LRRTM4: variants seen among roughly 807,000 people sequenced by gnomAD.
LRRTM4 encodes leucine-rich repeat transmembrane neuronal protein 4.
A neutral mutation model predicts 47.6 loss-of-function variants in LRRTM4; 25 were observed. The observed-to-expected ratio is 0.53, with a 90% CI of 0.38 to 0.73. LRRTM4 has a LOEUF of 0.73. LRRTM4 is among the 30% of genes least tolerant of loss of function. LRRTM4 has a pLI of 0.00. For missense variants in LRRTM4, 638 were observed against 713.4 expected (o/e 0.89, Z 1.20); for synonymous variants, 311 against 269.5 (o/e 1.15, Z -1.51).
intron 3 of LRRTM4, among the ~76,000 whole-genome samples, chr2:77,158,272 AT>A (rs1356881379): frequency 6.6e-6 from 1 of 152,202 alleles, no homozygotes; most frequent in Non-Finnish European, 1.5e-5. Flanking sequence ...ATGTCAAAAA[AT>A]ATAGAGATTT....
At position 77,078,867 on chromosome 2, in the gene LRRTM4, T is replaced by C. The variant is rs1680435752; in HGVS notation, c.1552-329951A>G. On this transcript the variant is annotated intron_variant, in intron 3 of 3. Coordinates refer to ENST00000409884, the MANE Select transcript of LRRTM4 (RefSeq NM_001134745.3). The stretch of plus-strand genomic sequence containing the variant: ...ATAAATGTATTCCTCACAGTTCTGG[T>C]AGCTGGGAAGTCCAAGATCCAGACA... 5.9e-5 allele frequency among the ~76,000 whole-genome samples: 9 copies of C among 152,304 alleles called. No homozygotes were observed. The South Asian group carries it at 1.7e-3, about 28-fold the overall frequency.
intron 3 of LRRTM4, among the ~76,000 whole-genome samples, chr2:77,472,086 C>T (rs188909516): frequency 3.3e-5 from 5 of 152,184 alleles, no homozygotes. Context: ...AAACCAGTGT[C>T]CTCTTTGCAG....
At chr2:76,862,075 T>C (rs1350839178) in intron 3 of LRRTM4, among the ~76,000 whole-genome samples, 1 of 150,806 alleles carries the variant, frequency 6.6e-6, no homozygotes, top group East Asian at 1.9e-4. Flanking sequence ...ATTTAGGCTT[T>C]TTTTTTTTAA....
rs1022426321 is a variant in LRRTM4, at chr2:76,781,575, C to G, written c.1552-32659G>C. 3.3e-5 allele frequency among the ~76,000 whole-genome samples: 5 copies of G among 152,222 alleles called. No homozygotes were observed. The South Asian group carries it at 6.2e-4, about 19-fold the overall frequency. ...AGAAAGGGAACTCCGTGACCCCTTG[C>G]GCTTCCCAAGTGAGGCAATGCCTCG... On this transcript the variant is annotated intron_variant, in intron 3 of 3. Coordinates refer to ENST00000409884, the MANE Select transcript of LRRTM4 (RefSeq NM_001134745.3).
intron 3 of LRRTM4, among the ~76,000 whole-genome samples, chr2:77,134,590 A>G (rs1029135383): frequency 1.3e-5 from 2 of 152,206 alleles, no homozygotes; most frequent in Non-Finnish European, 2.9e-5. Flanking sequence ...CTGATTTCTT[A>G]TAACTAAAAA....
chr2:77,426,852 G>A lies in LRRTM4; in HGVS notation c.1551+91466C>T, dbSNP rs568105486. On this transcript the variant is annotated intron_variant, in intron 3 of 3. Coordinates refer to ENST00000409884, the MANE Select transcript of LRRTM4 (RefSeq NM_001134745.3). ...ACATGCACACACACACACACAGAGA[G>A]AGAGAGAGGGAGAGAAAGAGAGATA... Among the ~76,000 whole-genome samples, 51 of 152,024 alleles carry A rather than the reference G, an allele frequency of 3.4e-4. No individual in the cohort carries two copies. In the East Asian group the frequency reaches 7.5e-3, roughly 22 times the overall value.
At chr2:76,864,385 T>G (rs1672404573) in intron 3 of LRRTM4, among the ~76,000 whole-genome samples, 1 of 152,084 alleles carries the variant, frequency 6.6e-6, no homozygotes, top group African/African-American at 2.4e-5. Context: ...GGGCTGGGCG[T>G]GGTGGCTCAT....
intron 3 of LRRTM4, among the ~76,000 whole-genome samples, chr2:77,299,229 A>ATC (rs771724277): frequency 2.1e-5 from 3 of 143,020 alleles, no homozygotes; most frequent in South Asian, 2.2e-4. Flanking sequence ...TCTTCCTACA[A>ATC]TCTCTCTCTC....
At chr2:76,876,182 A>G (rs1304928444) in intron 3 of LRRTM4, among the ~76,000 whole-genome samples, 1 of 152,140 alleles carries the variant, frequency 6.6e-6, no homozygotes, top group East Asian at 1.9e-4. Context: ...AAGAGCAACA[A>G]ATAAGATTTG....
intron 3 of LRRTM4, among the ~76,000 whole-genome samples, chr2:77,093,429 T>G (rs890119028): frequency 6.6e-6 from 1 of 151,354 alleles, no homozygotes; most frequent in Non-Finnish European, 1.5e-5. Flanking sequence ...CCATGACCAA[T>G]CATTCTATAC....
At chr2:77,024,873 G>C (rs1542186) in intron 3 of LRRTM4, among the ~76,000 whole-genome samples, 81,723 of 151,956 alleles carry the variant, frequency 0.54, 23,465 homozygotes, top group African/African-American at 0.74. Context: ...ATATCTTGTT[G>C]GAAATGTAGG....
chr2:77,408,216 G>A (rs892654482), intron 3 of LRRTM4, among the ~76,000 whole-genome samples: 1 of 152,076 alleles, frequency 6.6e-6, no homozygotes, highest in Non-Finnish European at 1.5e-5. Context: ...GTTTACGTTT[G>A]TTTTTTAAGT....
chr2:77,216,929 C>T (rs575125672), intron 3 of LRRTM4, among the ~76,000 whole-genome samples: 34 of 151,968 alleles, frequency 2.2e-4, no homozygotes, highest in African/African-American at 7.7e-4. Context: ...AAAAATTAGC[C>T]GGGCGTGGTG....
intron 3 of LRRTM4, among the ~76,000 whole-genome samples, chr2:76,941,264 T>G (rs890107418): frequency 6.6e-6 from 1 of 152,188 alleles, no homozygotes; most frequent in African/African-American, 2.4e-5. Flanking sequence ...GAGTCATATT[T>G]GATTAATTCC....
chr2:76,871,478 T>C (rs1045835229), intron 3 of LRRTM4, among the ~76,000 whole-genome samples: 2 of 152,154 alleles, frequency 1.3e-5, no homozygotes, highest in African/African-American at 4.8e-5. Flanking sequence ...TCACTGGGAA[T>C]CGCCTGTATT....
In LRRTM4 at chr2:77,159,373, T is replaced by C. The variant is rs1041054241; in HGVS notation, c.1551+358945A>G. 2.6e-5 allele frequency among the ~76,000 whole-genome samples: 4 copies of C among 151,950 alleles called. No homozygotes were observed. The South Asian group carries it at 8.3e-4, about 31-fold the overall frequency. ...AAGAAAGTGTTATTAAGAAAATCGT[T>C]GGTTGGGGAGAGGGAGGAGGGATAG... On this transcript the variant is annotated intron_variant, in intron 3 of 3. Coordinates refer to ENST00000409884, the MANE Select transcript of LRRTM4 (RefSeq NM_001134745.3).
At chr2:77,443,872 T>A (rs1007774313) in intron 3 of LRRTM4, among the ~76,000 whole-genome samples, 11 of 151,932 alleles carry the variant, frequency 7.2e-5, no homozygotes, top group African/African-American at 2.4e-4. Context: ...CAGCCACACA[T>A]CAACAACAAT....
intron 3 of LRRTM4, among the ~76,000 whole-genome samples, chr2:77,485,756 G>A (rs1435595728): frequency 6.6e-6 from 1 of 152,038 alleles, no homozygotes; most frequent in Non-Finnish European, 1.5e-5. Context: ...TTTAAACAAG[G>A]TCTCACTCCC....
At chr2:76,902,332 T>C (rs900607461) in intron 3 of LRRTM4, among the ~76,000 whole-genome samples, 3 of 152,178 alleles carry the variant, frequency 2.0e-5, no homozygotes, top group Admixed American at 6.5e-5. Context: ...TTTTTTAAAA[T>C]TAAATAACCA....
Sources: allele counts gnomAD v4.1 joint callset (sites outside exome capture counted in the v4.1 genomes callset), GRCh38; gene constraint gnomAD v4.1.1; transcripts MANE v1.5; gene names NCBI Gene and HGNC (gene_info 2026-07-23, HGNC 2026-07-21).